Variants in NFS1 observed in about 807,000 individuals in gnomAD.
The protein encoded by NFS1 is cysteine desulfurase.
A neutral mutation model predicts 57.3 loss-of-function variants in NFS1; 26 were observed. The ratio of observed to expected loss-of-function variants is 0.45; its 90% CI spans 0.33 to 0.63. NFS1 has a LOEUF of 0.63. Ranked by LOEUF, NFS1 falls within the 20% of genes least tolerant of loss-of-function variation. The pLI is 0.02. For synonymous variants in NFS1, 209 were observed against 216.3 expected, an observed-to-expected ratio of 0.97 and a Z score of 0.30; for missense variants, 505 against 605.8, an observed-to-expected ratio of 0.83 and a Z score of 1.75.
intron 12 of NFS1, among the ~76,000 whole-genome samples, 165 bp from the exon 13 acceptor site, chr20:35,669,850 C>T (rs993723702): frequency 2.0e-4 from 30 of 152,322 alleles, no homozygotes; most frequent in South Asian, 1.9e-3. Flanking sequence ...CTGAGCTCTC[C>T]AGCTCCCTGT....
At chr20:35,691,483 G>A (rs1373761548) in intron 4 of NFS1, among the ~76,000 whole-genome samples, 3 of 151,388 alleles carry the variant, frequency 2.0e-5, no homozygotes, top group South Asian at 2.1e-4. Flanking sequence ...CCTCACGACT[G>A]TAATCCGAGC....
At position 35,679,979 on chromosome 20, in the gene NFS1, C is replaced by G. The variant is rs117130907; in HGVS notation, c.790+758G>C. Among the ~76,000 whole-genome samples, 970 of 152,222 alleles carry G rather than the reference C, an allele frequency of 6.4e-3. 3 individuals carry two copies. Among genetic ancestry groups the G allele is most frequent in the Non-Finnish European group, 0.01 (697 of 68,006 alleles). ...CAAACATGTATCCTTGAGAGACTAA[C>G]AGGATAACAGACTATGAAGTCTTCT... On this transcript the variant is annotated intron_variant, in intron 7 of 12. Transcript: ENST00000374092.
At chr20:35,678,122 G>A (rs1016750990) in intron 7 of NFS1, among the ~76,000 whole-genome samples, 7 of 151,898 alleles carry the variant, frequency 4.6e-5, no homozygotes, top group African/African-American at 1.7e-4. Context: ...GGCCGAGGCG[G>A]GCAGATCATG....
intron 12 of NFS1, among the ~76,000 whole-genome samples, chr20:35,672,294 G>C (rs1016121043): frequency 1.3e-5 from 2 of 151,614 alleles, no homozygotes; most frequent in Non-Finnish European, 2.9e-5. Context: ...TTGTTGCTCA[G>C]GCTGCAATGC....
intron 4 of NFS1, among the ~76,000 whole-genome samples, chr20:35,695,868 C>T (rs1000022492): frequency 1.3e-5 from 2 of 152,000 alleles, no homozygotes; most frequent in Non-Finnish European, 2.9e-5. Flanking sequence ...GGTGAAACCC[C>T]ATCTCTACTA....
chr20:35,676,621 G>T (rs1277349940), intron 7 of NFS1, among the ~76,000 whole-genome samples: 2 of 151,620 alleles, frequency 1.3e-5, no homozygotes, highest in African/African-American at 2.4e-5. Flanking sequence ...AAAAATGAAA[G>T]ATTGAAACAG....
chr20:35,669,708 A>C lies in NFS1; in HGVS notation c.1311-23T>G, dbSNP rs753209374. 28 of 1,610,606 alleles carry C rather than the reference A, an allele frequency of 1.7e-5. 1 individual carries two copies. In the East Asian group the frequency reaches 3.3e-4, roughly 19 times the overall value. ...GGGCTGCCAAAGAGAAGAGGCATTA[A>C]ATGAGTGAGGGCTTAGATAGGAAGT... is the stretch of plus-strand genomic sequence containing the variant. On this transcript the variant is annotated intron_variant, in intron 12 of 12. Coordinates refer to ENST00000374092, the MANE Select transcript of NFS1 (RefSeq NM_021100.5).
intron 6 of NFS1, 122 bp from the exon 7 acceptor site, chr20:35,680,993 C>A: frequency 1.4e-6 from 1 of 712,058 alleles, no homozygotes; most frequent in Non-Finnish European, 2.0e-6. Context: ...TCCTCCCCTC[C>A]CTCCTTCTAC....
chr20:35,693,533 C>G (rs891494571), intron 4 of NFS1, among the ~76,000 whole-genome samples: 2 of 152,118 alleles, frequency 1.3e-5, no homozygotes, highest in Non-Finnish European at 2.9e-5. Context: ...TTACCTTTAA[C>G]AGCAGAATAA....
intron 10 of NFS1, 198 bp from the exon 11 acceptor site, chr20:35,673,882 C>T: frequency 1.9e-6 from 1 of 519,476 alleles, no homozygotes; most frequent in Admixed American, 3.4e-5. Context: ...TCCTCTGGCC[C>T]CCATGGTGGA....
chr20:35,676,639 A>G (rs1395571411), intron 7 of NFS1, among the ~76,000 whole-genome samples: 3 of 151,844 alleles, frequency 2.0e-5, no homozygotes, highest in Non-Finnish European at 2.9e-5. Context: ...CAGTGAGTAC[A>G]GTATGCTATC....
chr20:35,686,311 T>TG (rs1239595678), intron 5 of NFS1, among the ~76,000 whole-genome samples: 1 of 138,926 alleles, frequency 7.2e-6, no homozygotes, highest in Non-Finnish European at 1.5e-5. Context: ...GAGCATGCCA[T>TG]TGCACTCCAG....
intron 1 of NFS1, chr20:35,698,846 G>C (rs1012670463): frequency 4.4e-6 from 6 of 1,355,508 alleles, no homozygotes. Flanking sequence ...GGCTCTAAAG[G>C]GCAAAGACGT....
intron 6 of NFS1, 21 bp from the exon 7 acceptor site, chr20:35,680,892 A>G: frequency 2.7e-6 from 4 of 1,468,596 alleles, no homozygotes; most frequent in Non-Finnish European, 3.6e-6. Flanking sequence ...AGAGGGGAAG[A>G]CCCACAGCAC....
Position 35,699,088 on chromosome 20 carries a change from G to A in NFS1, c.97+104C>T. ...TGTGTCATTTGAGAGAAGGGTCAGA[G>A]GGTCTGGGCAGCAGGGTGGACAGGA... On this transcript the variant is annotated intron_variant, in intron 1 of 12. Coordinates refer to ENST00000374092, the MANE Select transcript of NFS1 (RefSeq NM_021100.5). The surrounding 1 kb of genome is among the most constrained non-coding windows in gnomAD (Gnocchi z 4.4). The A allele has an allele frequency of 5.2e-6, 7 of 1,341,118 alleles. No individual in the cohort carries two copies. The highest frequency in any genetic ancestry group is 6.7e-6 in the Non-Finnish European group (7 of 1,050,116). The allele number at this position is 1,341,118 out of a possible 1,614,324, so 83.1% of individuals were successfully genotyped here. A position where few individuals can be genotyped will look rare whatever the true frequency, so the allele number is the denominator to read the frequency against.
In NFS1 at chr20:35,668,909, C is replaced by T. The variant is rs918380583; in HGVS notation, c.*713G>A. 5.3e-5 allele frequency: 8 copies of T among 152,148 alleles called. No homozygotes were observed. Among genetic ancestry groups the T allele is most frequent in the African/African-American group, 1.9e-4 (8 of 41,422 alleles). The allele number at this position is 152,148 out of a possible 1,614,324, so 9.4% of individuals were successfully genotyped here. A position where few individuals can be genotyped will look rare whatever the true frequency, so the allele number is the denominator to read the frequency against. The stretch of plus-strand genomic sequence containing the variant: ...AATCAGATGGAGTGGCGGTCTTCTC[C>T]ACAATTCCCAAGTACAGCTTCCACT... On this transcript the variant is annotated 3_prime_UTR_variant, in exon 13 of 13. Transcript: ENST00000374092.
chr20:35,694,518 A>G (rs2035098289), intron 4 of NFS1: 1 of 152,222 alleles, frequency 6.6e-6, no homozygotes, highest in Non-Finnish European at 1.5e-5. Flanking sequence ...GGACAAAATT[A>G]TAACTATGTA....
intron 5 of NFS1, among the ~76,000 whole-genome samples, chr20:35,687,498 C>A (rs1330876076): frequency 6.6e-6 from 1 of 152,124 alleles, no homozygotes; most frequent in African/African-American, 2.4e-5. Context: ...CCCACGTGAC[C>A]TTACCTATCA....
At chr20:35,675,628 C>T (rs2034726630) in intron 7 of NFS1, 1 of 168,170 alleles carries the variant, frequency 5.9e-6, no homozygotes, top group South Asian at 1.4e-4. Flanking sequence ...CCTATAATCC[C>T]AACTGTGGGA....
Sources: gnomAD v4.1 joint callset for allele counts (sites outside exome capture counted in the v4.1 genomes callset) on GRCh38, gnomAD v4.1.1 for gene constraint, Gnocchi (gnomAD v3.1) non-coding constraint, MANE v1.5 for transcripts, NCBI Gene and HGNC (gene_info 2026-07-23, HGNC 2026-07-21) for gene names.